PGM5: variants seen among roughly 807,000 people sequenced by gnomAD.
The protein encoded by PGM5 is phosphoglucomutase 5.
PGM5 carries 23 observed loss-of-function variants against 59.2 expected under a neutral mutation model. That is an observed-to-expected ratio of 0.39 (90% CI 0.28 to 0.55). The LOEUF is 0.55. Ranked by LOEUF, PGM5 falls within the 20% of genes least tolerant of loss-of-function variation. The pLI, the probability that PGM5 is intolerant of heterozygous loss-of-function variation, is 0.66. For synonymous variants in PGM5, 214 were observed against 286.0 expected (o/e 0.75, Z 2.54); for missense variants, 574 against 748.3 (o/e 0.77, Z 2.72).
intron 9 of PGM5, among the ~76,000 whole-genome samples, chr9:68,484,587 C>CA (rs1434168129): frequency 1.4e-5 from 2 of 142,422 alleles, no homozygotes; most frequent in African/African-American, 5.5e-5. Flanking sequence ...CAAAACAAAA[C>CA]AAACAAAAAA....
At chr9:68,450,462 TCCC>T (rs1362127237) in intron 6 of PGM5, among the ~76,000 whole-genome samples, 1 of 152,012 alleles carries the variant, frequency 6.6e-6, no homozygotes, top group African/African-American at 2.4e-5. Context: ...TACCTCCAGC[TCCC>T]CCAACTCAGA....
At chr9:68,481,709 T>C (rs1326173706) in intron 8 of PGM5, among the ~76,000 whole-genome samples, 1 of 152,240 alleles carries the variant, frequency 6.6e-6, no homozygotes, top group Non-Finnish European at 1.5e-5. Context: ...AATTACTTCT[T>C]CATAACAAAT....
intron 6 of PGM5, among the ~76,000 whole-genome samples, chr9:68,421,251 C>T (rs969203650): frequency 1.3e-5 from 2 of 152,220 alleles, no homozygotes; most frequent in African/African-American, 4.8e-5. Flanking sequence ...CTAGGGCCTG[C>T]TTCTTCTCTC....
Position 68,356,795 on chromosome 9 carries a change from A to C in PGM5, c.-333A>C. 4 of 246,670 alleles carry C rather than the reference A, an allele frequency of 1.6e-5. No individual in the cohort carries two copies. Among genetic ancestry groups the C allele is most frequent in the Non-Finnish European group, 3.1e-5 (4 of 130,372 alleles). The allele number at this position is 246,670 out of a possible 1,614,324, so 15.3% of individuals were successfully genotyped here. A position where few individuals can be genotyped will look rare whatever the true frequency, so the allele number is the denominator to read the frequency against. ...CGGGGTCGGGCTAGCAGGCCCTGGA[A>C]TCAGGCTTTTGGGACACCCCGAAAG... On this transcript the variant is annotated 5_prime_UTR_variant, in exon 1 of 11. Transcript: ENST00000396396.
At chr9:68,384,689 A>G (rs1233270621) in intron 3 of PGM5, 145 bp downstream of exon 3, 12 of 564,796 alleles carry the variant, frequency 2.1e-5, no homozygotes, top group Non-Finnish European at 3.5e-5. Context: ...AATATGGTGT[A>G]GAGAGAAGAC....
intron 9 of PGM5, among the ~76,000 whole-genome samples, chr9:68,491,119 G>A (rs1222628278): frequency 6.6e-6 from 1 of 152,182 alleles, no homozygotes; most frequent in Non-Finnish European, 1.5e-5. Flanking sequence ...CAGCTCATTA[G>A]CACCGAGGAT....
intron 6 of PGM5, among the ~76,000 whole-genome samples, chr9:68,422,375 C>G (rs1448213026): frequency 6.7e-6 from 1 of 149,884 alleles, no homozygotes; most frequent in Non-Finnish European, 1.5e-5. Context: ...ATGTCCCCAT[C>G]CCCTACCTCT....
intron 6 of PGM5, among the ~76,000 whole-genome samples, chr9:68,439,149 G>T (rs1344366332): frequency 1.3e-5 from 2 of 151,918 alleles, no homozygotes; most frequent in Non-Finnish European, 2.9e-5. Flanking sequence ...GATTACTTGA[G>T]CCCAGGAGTT....
chr9:68,365,014 C>T (rs1245805401), intron 1 of PGM5, among the ~76,000 whole-genome samples: 2 of 152,264 alleles, frequency 1.3e-5, no homozygotes, highest in Non-Finnish European at 2.9e-5. Context: ...TTCTATAAAA[C>T]ATCTGTTCTC....
rs118047640 is a variant in PGM5, at chr9:68,514,976, A to C, written c.1615-14591A>C. On this transcript the variant is annotated intron_variant, in intron 10 of 10. Coordinates refer to ENST00000396396, the MANE Select transcript of PGM5 (RefSeq NM_021965.4). ...CAATATCAACTCAGCAGTGTTAGACAGTTTTCTTCACACAATTATACTAGT... is the reference window on the plus strand; with the variant it reads ...CAATATCAACTCAGCAGTGTTAGACCGTTTTCTTCACACAATTATACTAGT... 8.3e-3 allele frequency among the ~76,000 whole-genome samples: 1,260 copies of C among 152,342 alleles called. 6 individuals are homozygous for C. Among genetic ancestry groups the C allele is most frequent in the Middle Eastern group, 0.02 (6 of 294 alleles).
At chr9:68,523,134 T>C (rs1308021160) in intron 10 of PGM5, among the ~76,000 whole-genome samples, 1 of 152,224 alleles carries the variant, frequency 6.6e-6, no homozygotes, top group African/African-American at 2.4e-5. Flanking sequence ...CTAGCCAGCC[T>C]CTCTATTGGC....
chr9:68,475,418 T>A (rs1371737462), intron 7 of PGM5, among the ~76,000 whole-genome samples: 1 of 152,110 alleles, frequency 6.6e-6, no homozygotes, highest in Non-Finnish European at 1.5e-5. Context: ...AGGAAAAGCA[T>A]CTGCAGTTCT....
intron 6 of PGM5, among the ~76,000 whole-genome samples, chr9:68,444,062 C>CT (rs71920005): frequency 0.022 from 2,865 of 131,592 alleles, 50 homozygotes; most frequent in African/African-American, 0.051. Flanking sequence ...TTCTTTCTTT[C>CT]TTTTTTTTTT....
In PGM5 at chr9:68,530,302, G is replaced by T. The variant is rs1825060436; in HGVS notation, c.*646G>T. On this transcript the variant is annotated 3_prime_UTR_variant, in exon 11 of 11. Transcript: ENST00000396396. ...CACTTCCAACAAAATATATCAATAG[G>T]TGTTTTCCTCTCTTATTTTGTAAAT... is the stretch of plus-strand genomic sequence containing the variant. The T allele has an allele frequency of 6.6e-6, 1 of 152,104 alleles. No homozygotes were observed. The highest frequency in any genetic ancestry group is 6.5e-5 in the Admixed American group (1 of 15,276). The allele number at this position is 152,104 out of a possible 1,614,324, so 9.4% of individuals were successfully genotyped here. A position where few individuals can be genotyped will look rare whatever the true frequency, so the allele number is the denominator to read the frequency against.
rs114539305 is a variant in PGM5 at position 68,523,600 on chromosome 9, G to A, written c.1615-5967G>A. 8.3e-4 allele frequency among the ~76,000 whole-genome samples: 127 copies of A among 152,336 alleles called. 1 individual carries two copies. Among genetic ancestry groups the A allele is most frequent in the African/African-American group, 2.8e-3 (118 of 41,580 alleles). ...TGATCCTAGGGATCAGGAGAAAGTA[G>A]CATTTGTTATAAATCTCTATTTTAT... On this transcript the variant is annotated intron_variant, in intron 10 of 10. Coordinates refer to ENST00000396396, the MANE Select transcript of PGM5 (RefSeq NM_021965.4).
chr9:68,436,940 A>G (rs1554683405), intron 6 of PGM5, among the ~76,000 whole-genome samples: 1 of 152,180 alleles, frequency 6.6e-6, no homozygotes, highest in Non-Finnish European at 1.5e-5. Context: ...TGTGATAGCA[A>G]TATTCTCCCA....
chr9:68,443,608 T>G (rs1554683822), intron 6 of PGM5, among the ~76,000 whole-genome samples: 1 of 152,228 alleles, frequency 6.6e-6, no homozygotes, highest in Non-Finnish European at 1.5e-5. Flanking sequence ...CTAGACCTCT[T>G]TATCAACTCT....
chr9:68,403,547 C>A (rs1822723223), intron 6 of PGM5, among the ~76,000 whole-genome samples: 2 of 152,116 alleles, frequency 1.3e-5, no homozygotes, highest in Non-Finnish European at 1.5e-5. Flanking sequence ...GATTGTCATA[C>A]AAACCTTCAG....
At chr9:68,503,061 A>G (rs1824603668) in intron 10 of PGM5, among the ~76,000 whole-genome samples, 1 of 152,148 alleles carries the variant, frequency 6.6e-6, no homozygotes. Flanking sequence ...GGTCCCTCAT[A>G]TTTATTCACC....
Sources: gnomAD v4.1 joint callset for allele counts (sites outside exome capture counted in the v4.1 genomes callset) on GRCh38, gnomAD v4.1.1 for gene constraint, MANE v1.5 for transcripts, NCBI Gene and HGNC (gene_info 2026-07-23, HGNC 2026-07-21) for gene names.